Variants in MAP4K3 observed in about 807,000 individuals in gnomAD.
The protein encoded by MAP4K3 is mitogen-activated protein kinase kinase kinase kinase 3.
Under a neutral mutation model 143.5 loss-of-function variants are expected in MAP4K3, and 94 were observed. That is an observed-to-expected ratio of 0.65 (90% CI 0.55 to 0.78). The LOEUF (loss-of-function observed/expected upper bound fraction) is 0.78. MAP4K3 is among the 30% of genes least tolerant of loss of function. The pLI is 0.00. For synonymous variants in MAP4K3, 416 were observed against 347.2 expected, an observed-to-expected ratio of 1.20 and a Z score of -2.20; for missense variants, 1,077 against 1,068.1, an observed-to-expected ratio of 1.01 and a Z score of -0.12.
intron 6 of MAP4K3, among the ~76,000 whole-genome samples, chr2:39,333,999 G>GTGTGTT (rs780948427): frequency 6.9e-6 from 1 of 144,082 alleles, no homozygotes; most frequent in Non-Finnish European, 1.5e-5. Flanking sequence ...GTGTGTGTGT[G>GTGTGTT]TTTTTAAAAG....
At chr2:39,289,885 G>GC (rs1182758859) in intron 19 of MAP4K3, among the ~76,000 whole-genome samples, 6 of 152,194 alleles carry the variant, frequency 3.9e-5, no homozygotes, top group African/African-American at 1.4e-4. Context: ...AGGAGTTTGA[G>GC]CCAAGCCTGG....
At chr2:39,297,854 A>T (rs1388640031) in intron 16 of MAP4K3, among the ~76,000 whole-genome samples, 1 of 152,228 alleles carries the variant, frequency 6.6e-6, no homozygotes, top group Non-Finnish European at 1.5e-5. Flanking sequence ...TTCCTTAAGC[A>T]GGGATCCAAT....
chr2:39,436,604 G>A (rs2148644493), intron 1 of MAP4K3: 1 of 455,904 alleles, frequency 2.2e-6, no homozygotes, highest in Admixed American at 3.7e-5. Flanking sequence ...TGGATGAGCA[G>A]TGTGGCCTGC....
intron 16 of MAP4K3, 138 bp downstream of exon 16, chr2:39,299,605 T>C: frequency 2.3e-6 from 1 of 432,954 alleles, no homozygotes. Context: ...AAGGAAGCAA[T>C]GGAAAAAGGT....
intron 19 of MAP4K3, among the ~76,000 whole-genome samples, chr2:39,289,581 T>G (rs1356497069): frequency 1.3e-5 from 2 of 152,216 alleles, no homozygotes; most frequent in African/African-American, 2.4e-5. Flanking sequence ...TACTATTTTG[T>G]ATTTTTAATT....
chr2:39,420,014 C>G (rs1440507392), intron 1 of MAP4K3, among the ~76,000 whole-genome samples: 1 of 152,178 alleles, frequency 6.6e-6, no homozygotes, highest in East Asian at 1.9e-4. Context: ...TTTCAATGGT[C>G]TCTTCTTTCC....
chr2:39,257,034 T>C (rs1382400614), intron 31 of MAP4K3, among the ~76,000 whole-genome samples: 1 of 152,252 alleles, frequency 6.6e-6, no homozygotes. Context: ...GAAACTGACT[T>C]ATTATAATCA....
intron 2 of MAP4K3, among the ~76,000 whole-genome samples, chr2:39,361,688 T>G (rs1160386233): frequency 6.6e-6 from 1 of 151,250 alleles, no homozygotes; most frequent in African/African-American, 2.4e-5. Context: ...ATTTAAACAT[T>G]ATTTAAACTA....
intron 22 of MAP4K3, among the ~76,000 whole-genome samples, chr2:39,281,614 G>C (rs1020177163): frequency 6.6e-6 from 1 of 152,092 alleles, no homozygotes; most frequent in African/African-American, 2.4e-5. Context: ...AATTTGTATA[G>C]CTGGAGTCTA....
intron 1 of MAP4K3, among the ~76,000 whole-genome samples, chr2:39,393,534 T>A (rs1232411673): frequency 6.6e-6 from 1 of 152,216 alleles, no homozygotes; most frequent in Admixed American, 6.5e-5. Flanking sequence ...AAATTTTAAT[T>A]TTTTAAAATA....
At chr2:39,327,780 T>C (rs1683542814) in intron 8 of MAP4K3, among the ~76,000 whole-genome samples, 1 of 151,666 alleles carries the variant, frequency 6.6e-6, no homozygotes, top group Non-Finnish European at 1.5e-5. Context: ...TCCAAGTAGC[T>C]GGTAGAAATG....
chr2:39,322,999 C>A (rs1311352163), intron 12 of MAP4K3, among the ~76,000 whole-genome samples: 1 of 152,042 alleles, frequency 6.6e-6, no homozygotes, highest in Non-Finnish European at 1.5e-5. Context: ...TACAATAGTT[C>A]TAGTATCACA....
At chr2:39,320,084 GT>G (rs1221109784) in intron 12 of MAP4K3, among the ~76,000 whole-genome samples, 1 of 152,090 alleles carries the variant, frequency 6.6e-6, no homozygotes, top group Non-Finnish European at 1.5e-5. Flanking sequence ...AAAGTTGGCT[GT>G]TTTTTCTTCT....
At chr2:39,348,883 A>T (rs1665371331) in intron 3 of MAP4K3, among the ~76,000 whole-genome samples, 2 of 152,178 alleles carry the variant, frequency 1.3e-5, no homozygotes, top group South Asian at 2.1e-4. Context: ...ATCTTCCCAC[A>T]TTTTGTAACA....
chr2:39,408,989 A>C (rs72801481), intron 1 of MAP4K3, among the ~76,000 whole-genome samples: 2,177 of 152,326 alleles, frequency 0.014, 27 homozygotes, highest in Non-Finnish European at 0.022. Flanking sequence ...CAAAAAAGCC[A>C]GACAGAAATT....
intron 1 of MAP4K3, among the ~76,000 whole-genome samples, chr2:39,397,954 T>G (rs1209764521): frequency 2.0e-5 from 3 of 152,190 alleles, no homozygotes; most frequent in Non-Finnish European, 4.4e-5. Context: ...CTTATCAGAT[T>G]GGCAAAATCT....
intron 8 of MAP4K3, among the ~76,000 whole-genome samples, chr2:39,329,697 A>G (rs886190306): frequency 3.3e-5 from 5 of 152,214 alleles, no homozygotes; most frequent in African/African-American, 1.2e-4. Flanking sequence ...CTGCAGACTC[A>G]AGAGACACCA....
chr2:39,282,261 G>T (rs1435342984), intron 22 of MAP4K3, among the ~76,000 whole-genome samples: 1 of 151,828 alleles, frequency 6.6e-6, no homozygotes, highest in East Asian at 1.9e-4. Flanking sequence ...ACTTTGGGAA[G>T]CCAAGGTGGG....
intron 12 of MAP4K3, among the ~76,000 whole-genome samples, chr2:39,324,892 T>C (rs1214497838): frequency 6.6e-6 from 1 of 152,248 alleles, no homozygotes; most frequent in African/African-American, 2.4e-5. Flanking sequence ...TTTTAAAACA[T>C]TTCCATAGTG....
Sources: gnomAD v4.1 joint callset for allele counts (sites outside exome capture counted in the v4.1 genomes callset) on GRCh38, gnomAD v4.1.1 for gene constraint, MANE v1.5 for transcripts, NCBI Gene and HGNC (gene_info 2026-07-23, HGNC 2026-07-21) for gene names.